The following XNDC1N variants were observed in gnomAD, a reference collection of about 807,000 sequenced individuals.
XNDC1N encodes protein XNDC1N.
the XNDC1N span, among the ~76,000 whole-genome samples, chr11:71,870,771 A>G: frequency 1.3e-5 from 2 of 152,208 alleles, no homozygotes; most frequent in Non-Finnish European, 2.9e-5. Context: ...ACCAATAAAC[A>G]TATGAAAAAG....
chr11:71,906,565 G>T, the XNDC1N span, among the ~76,000 whole-genome samples: 1 of 152,090 alleles, frequency 6.6e-6, no homozygotes, highest in East Asian at 1.9e-4. Context: ...GGGTGTACAC[G>T]CATTGTGAAA....
At chr11:71,889,550 T>C in the XNDC1N span, among the ~76,000 whole-genome samples, 30,089 of 152,142 alleles carry the variant, frequency 0.2, 5,402 homozygotes, top group African/African-American at 0.47. Flanking sequence ...AGAGTAGCTG[T>C]GCCACAGCTG....
chr11:71,909,864 T>C, the XNDC1N span, among the ~76,000 whole-genome samples: 1 of 152,160 alleles, frequency 6.6e-6, no homozygotes, highest in Non-Finnish European at 1.5e-5. Context: ...AGCATGGCTC[T>C]TTGCTGGTAA....
At chr11:71,881,420 G>C in the XNDC1N span, among the ~76,000 whole-genome samples, 7 of 152,150 alleles carry the variant, frequency 4.6e-5, no homozygotes, top group Non-Finnish European at 1.0e-4. Context: ...TTTTCTCACA[G>C]TTCTGGAAGT....
chr11:71,876,723 C>T, the XNDC1N span, among the ~76,000 whole-genome samples: 1 of 152,188 alleles, frequency 6.6e-6, no homozygotes, highest in Admixed American at 6.5e-5. Context: ...ATTATTTGTT[C>T]CCATAAATTG....
At chr11:71,866,613 A>T in the XNDC1N span, among the ~76,000 whole-genome samples, 28 of 152,234 alleles carry the variant, frequency 1.8e-4, no homozygotes, top group South Asian at 1.2e-3. Context: ...AAAATACAAA[A>T]ATTAGCCAGG....
At chr11:71,915,932 A>C in the XNDC1N span, 2 of 592,518 alleles carry the variant, frequency 3.4e-6, no homozygotes, top group Non-Finnish European at 6.0e-6. Flanking sequence ...AAGAAAGGGT[A>C]TCAAGCCCGT....
At chr11:71,897,652 C>T in the XNDC1N span, among the ~76,000 whole-genome samples, 1,907 of 152,200 alleles carry the variant, frequency 0.013, 15 homozygotes, top group South Asian at 0.032. Context: ...AATAGTATGG[C>T]GTGTACTGGA....
the XNDC1N span, among the ~76,000 whole-genome samples, chr11:71,906,327 G>A: frequency 6.6e-6 from 1 of 151,918 alleles, no homozygotes; most frequent in African/African-American, 2.4e-5. Context: ...TGTGACATTA[G>A]GAGTAGCATC....
the XNDC1N span, among the ~76,000 whole-genome samples, chr11:71,910,936 T>G: frequency 6.6e-6 from 1 of 152,268 alleles, no homozygotes; most frequent in Non-Finnish European, 1.5e-5. Context: ...GAAAAACTTC[T>G]GGCATCCCCA....
chr11:71,909,479 A>T, the XNDC1N span, among the ~76,000 whole-genome samples: 1 of 152,318 alleles, frequency 6.6e-6, no homozygotes, highest in East Asian at 1.9e-4. Flanking sequence ...GACTCAGAGC[A>T]GGAGGCCCTG....
At chr11:71,867,570 T>C in the XNDC1N span, among the ~76,000 whole-genome samples, 5 of 152,176 alleles carry the variant, frequency 3.3e-5, no homozygotes, top group African/African-American at 1.2e-4. Flanking sequence ...CAGGAGCAGG[T>C]TGTTTAATTT....
At chr11:71,883,134 G>T in the XNDC1N span, among the ~76,000 whole-genome samples, 1 of 152,106 alleles carries the variant, frequency 6.6e-6, no homozygotes, top group Admixed American at 6.5e-5. Flanking sequence ...TTCATGAATT[G>T]GAAGACATAA....
At chr11:71,871,143 A>G in the XNDC1N span, among the ~76,000 whole-genome samples, 3 of 152,230 alleles carry the variant, frequency 2.0e-5, no homozygotes, top group Non-Finnish European at 4.4e-5. Context: ...GTCTATCAAC[A>G]GATAAATGGA....
chr11:71,878,314 A>G, the XNDC1N span: 2 of 859,704 alleles, frequency 2.3e-6, no homozygotes, highest in Non-Finnish European at 3.6e-6. Flanking sequence ...ATAAAATCTC[A>G]TTGAAACACA....
chr11:71,923,344 C>T, the XNDC1N span: 1 of 702,948 alleles, frequency 1.4e-6, no homozygotes, highest in Non-Finnish European at 2.6e-6. Flanking sequence ...CTGATCTTCA[C>T]AGGAGCCATG....
chr11:71,870,542 A>T, the XNDC1N span, among the ~76,000 whole-genome samples: 1 of 152,354 alleles, frequency 6.6e-6, no homozygotes, highest in South Asian at 2.1e-4. Flanking sequence ...GACAAATTTC[A>T]TTATAATCAA....
At chr11:71,914,344 G>C in the XNDC1N span, 2 of 456,066 alleles carry the variant, frequency 4.4e-6, no homozygotes, top group Non-Finnish European at 8.8e-6. Context: ...CTCCTAGTGG[G>C]CTTTCAAGAC....
the XNDC1N span, among the ~76,000 whole-genome samples, chr11:71,880,262 T>C: frequency 2.0e-5 from 3 of 152,136 alleles, no homozygotes; most frequent in African/African-American, 4.8e-5. Flanking sequence ...GATTGATTAT[T>C]GGTGTTGGTA....
Sources: allele counts gnomAD v4.1 joint callset (sites outside exome capture counted in the v4.1 genomes callset), GRCh38; gene constraint gnomAD v4.1.1; transcripts MANE v1.5; gene names NCBI Gene and HGNC (gene_info 2026-07-23, HGNC 2026-07-21).